Variants in LSAMP observed in about 807,000 individuals in gnomAD.
LSAMP encodes the protein limbic system-associated membrane protein.
A neutral mutation model predicts 38.6 loss-of-function variants in LSAMP; 7 were observed. That is an observed-to-expected ratio of 0.18 (90% CI 0.10 to 0.34). The LOEUF (loss-of-function observed/expected upper bound fraction) is 0.34. Among genes scored for constraint, LSAMP ranks in the 10% least tolerant of loss-of-function variants. The probability of loss-of-function intolerance (pLI) is 1.00; values close to 1 mark genes in which losing one functional copy is unlikely to be tolerated. For synonymous variants in LSAMP, 154 were observed against 166.8 expected (o/e 0.92, Z 0.59); for missense variants, 313 against 420.0 (o/e 0.75, Z 2.23).
intron 3 of LSAMP, among the ~76,000 whole-genome samples, chr3:115,982,609 C>T (rs1039730334): frequency 3.3e-5 from 5 of 152,024 alleles, no homozygotes; most frequent in African/African-American, 1.2e-4. Flanking sequence ...TTTTTAAAAA[C>T]CTTTTCCTAT....
At chr3:116,344,429 TTTTAA>T (rs1156956998) in intron 1 of LSAMP, among the ~76,000 whole-genome samples, 1 of 152,152 alleles carries the variant, frequency 6.6e-6, no homozygotes, top group African/African-American at 2.4e-5. Flanking sequence ...GAGAACATTA[TTTTAA>T]TTTAATTGCA....
intron 1 of LSAMP, among the ~76,000 whole-genome samples, chr3:116,169,999 T>A (rs117038805): frequency 6.6e-6 from 1 of 152,308 alleles, no homozygotes; most frequent in East Asian, 1.9e-4. Context: ...ACCTCACCTA[T>A]GATAAATCAT....
rs2047081959 is a variant in LSAMP at position 116,278,383 on chromosome 3, T to G, written c.155+166494A>C. On this transcript the variant is annotated intron_variant, in intron 1 of 6. Transcript: ENST00000490035. ...ATTTAAATGAAACTATTAGCTGATT[T>G]TTTTACTGCTTGTTCTCCACCTGAA... Among the ~76,000 whole-genome samples, 3 of 152,326 alleles carry G rather than the reference T, an allele frequency of 2.0e-5. No homozygotes were observed. In the South Asian group the frequency reaches 6.2e-4, roughly 32 times the overall value.
chr3:116,197,478 G>A (rs1233360558), intron 1 of LSAMP, among the ~76,000 whole-genome samples: 6 of 152,162 alleles, frequency 3.9e-5, no homozygotes, highest in African/African-American at 1.4e-4. Flanking sequence ...GATCGGATAA[G>A]TTACAACTCT....
intron 3 of LSAMP, among the ~76,000 whole-genome samples, chr3:115,968,299 G>T (rs989709714): frequency 4.6e-5 from 7 of 151,978 alleles, no homozygotes; most frequent in Non-Finnish European, 1.5e-5. Flanking sequence ...ATGTGGCTGA[G>T]TTACACCTGA....
intron 2 of LSAMP, among the ~76,000 whole-genome samples, chr3:116,052,671 A>T (rs1941417246): frequency 6.6e-6 from 1 of 152,174 alleles, no homozygotes; most frequent in South Asian, 2.1e-4. Context: ...TTTACCTGCT[A>T]GCTACTAGTT....
chr3:116,298,726 A>G (rs1348108867), intron 1 of LSAMP, among the ~76,000 whole-genome samples: 1 of 152,204 alleles, frequency 6.6e-6, no homozygotes, highest in Non-Finnish European at 1.5e-5. Context: ...TGTTGGAGAC[A>G]GAAATAATTT....
intron 1 of LSAMP, among the ~76,000 whole-genome samples, chr3:116,345,657 T>G (rs574052536): frequency 6.6e-6 from 1 of 152,168 alleles, no homozygotes; most frequent in Admixed American, 6.5e-5. Context: ...AATAATGTTA[T>G]TTTTTAGAAC....
At chr3:116,119,267 TTTC>T (rs1329014136) in intron 1 of LSAMP, among the ~76,000 whole-genome samples, 2 of 151,928 alleles carry the variant, frequency 1.3e-5, no homozygotes, top group Non-Finnish European at 2.9e-5. Flanking sequence ...AAATTGTATC[TTTC>T]TTCTTCCAGT....
intron 3 of LSAMP, among the ~76,000 whole-genome samples, chr3:115,883,777 G>A (rs1936381999): frequency 6.6e-6 from 1 of 151,974 alleles, no homozygotes; most frequent in Non-Finnish European, 1.5e-5. Flanking sequence ...GGAAAAAATG[G>A]AACCTTACAA....
chr3:116,209,306 C>G (rs1432794540), intron 1 of LSAMP, among the ~76,000 whole-genome samples: 2 of 152,196 alleles, frequency 1.3e-5, no homozygotes, highest in East Asian at 3.9e-4. Context: ...GTCTGACACT[C>G]CCTAGTGAGA....
At chr3:116,200,478 G>A (rs997130504) in intron 1 of LSAMP, among the ~76,000 whole-genome samples, 4 of 152,100 alleles carry the variant, frequency 2.6e-5, no homozygotes, top group African/African-American at 9.7e-5. Flanking sequence ...CTCATTTACT[G>A]TGCAATTCAG....
intron 1 of LSAMP, among the ~76,000 whole-genome samples, chr3:116,224,088 T>C (rs1378728883): frequency 6.6e-6 from 1 of 152,156 alleles, no homozygotes; most frequent in African/African-American, 2.4e-5. Context: ...GTATGTCAAA[T>C]TTAATTAGAT....
chr3:116,163,854 A>G (rs1262610194), intron 1 of LSAMP, among the ~76,000 whole-genome samples: 1 of 152,144 alleles, frequency 6.6e-6, no homozygotes, highest in African/African-American at 2.4e-5. Flanking sequence ...TCATTTTTTA[A>G]AGATTTTTCC....
At chr3:116,280,898 T>C (rs1010303684) in intron 1 of LSAMP, among the ~76,000 whole-genome samples, 7 of 151,490 alleles carry the variant, frequency 4.6e-5, no homozygotes, top group Admixed American at 3.9e-4. Flanking sequence ...ACCCATCTAA[T>C]GAGTAAAAGA....
At chr3:115,966,494 G>A (rs1938819005) in intron 3 of LSAMP, among the ~76,000 whole-genome samples, 1 of 152,140 alleles carries the variant, frequency 6.6e-6, no homozygotes, top group African/African-American at 2.4e-5. Context: ...TTAAAAGTGT[G>A]CAAATTCTGT....
rs535077277 is a variant in LSAMP at position 116,343,560 on chromosome 3, T to C, written c.155+101317A>G. 5.9e-5 allele frequency among the ~76,000 whole-genome samples: 9 copies of C among 152,226 alleles called. No homozygotes were observed. In the South Asian group the frequency reaches 1.9e-3, roughly 32 times the overall value. On this transcript the variant is annotated intron_variant, in intron 1 of 6. Transcript: ENST00000490035. ...GTTTAGCCAAACATGGTCAGTAAAA[T>C]GCATCATGCCATGTATAAGATGGTC...
At chr3:116,346,927 C>T (rs910010854) in intron 1 of LSAMP, among the ~76,000 whole-genome samples, 10 of 152,140 alleles carry the variant, frequency 6.6e-5, no homozygotes, top group Non-Finnish European at 1.2e-4. Context: ...TAGCACAACT[C>T]ATCCCTCTAC....
chr3:116,045,069 G>T lies in LSAMP; in HGVS notation c.389-25429C>A, dbSNP rs190560679. Among the ~76,000 whole-genome samples the T allele has an allele frequency of 2.0e-3, 303 of 152,300 alleles. 1 individual carries two copies. Among genetic ancestry groups the T allele is most frequent in the Non-Finnish European group, 3.3e-3 (223 of 68,024 alleles). ...GTTGCCTGAGGTAGGCTTCACAAAG[G>T]TTCTTAGCTTTAAAATGGAATACAT... On this transcript the variant is annotated intron_variant, in intron 2 of 6. Coordinates refer to ENST00000490035, the MANE Select transcript of LSAMP (RefSeq NM_002338.5).
Sources: allele counts gnomAD v4.1 joint callset (sites outside exome capture counted in the v4.1 genomes callset), GRCh38; gene constraint gnomAD v4.1.1; transcripts MANE v1.5; gene names NCBI Gene and HGNC (gene_info 2026-07-23, HGNC 2026-07-21).